CTNND2: variants seen among roughly 807,000 people sequenced by gnomAD.
CTNND2 encodes the protein catenin delta 2.
In CTNND2, 22 loss-of-function variants were observed where a neutral mutation model predicts 144.4. The ratio of observed to expected loss-of-function variants is 0.15; its 90% confidence interval spans 0.11 to 0.22. The LOEUF (loss-of-function observed/expected upper bound fraction) is 0.22, where lower values mean the gene tolerates loss of function less well. Among genes scored for constraint, CTNND2 ranks in the 10% least tolerant of loss-of-function variants. CTNND2 has a pLI of 1.00. For missense variants in CTNND2, 1,353 were observed against 1,618.8 expected (o/e 0.84, Z 2.82); for synonymous variants, 751 against 695.6 (o/e 1.08, Z -1.25).
At chr5:11,534,166 G>A (rs1774006268) in intron 3 of CTNND2, among the ~76,000 whole-genome samples, 1 of 151,992 alleles carries the variant, frequency 6.6e-6, no homozygotes, top group Non-Finnish European at 1.5e-5. Flanking sequence ...TAATTTGATG[G>A]GTAGAAACAC....
intron 15 of CTNND2, among the ~76,000 whole-genome samples, chr5:11,091,321 G>A (rs1750748005): frequency 6.6e-6 from 1 of 152,120 alleles, no homozygotes. Flanking sequence ...CTGCATTTCA[G>A]ACTCTAGAGG....
chr5:11,186,769 C>A (rs1378666893), intron 11 of CTNND2, among the ~76,000 whole-genome samples: 1 of 152,168 alleles, frequency 6.6e-6, no homozygotes, highest in Non-Finnish European at 1.5e-5. Flanking sequence ...ATTGTTTTAT[C>A]AAGTGCCTCC....
intron 7 of CTNND2, among the ~76,000 whole-genome samples, chr5:11,368,432 C>G (rs2149777702): frequency 6.6e-6 from 1 of 152,200 alleles, no homozygotes; most frequent in South Asian, 2.1e-4. Flanking sequence ...GGGTTCAGTC[C>G]TATGGCAGGG....
intron 10 of CTNND2, among the ~76,000 whole-genome samples, chr5:11,232,121 G>C (rs1485354176): frequency 6.6e-6 from 1 of 152,254 alleles, no homozygotes; most frequent in Non-Finnish European, 1.5e-5. Flanking sequence ...GAAACACCCT[G>C]AATGTCCAGG....
chr5:11,003,233 G>A (rs1220550783), intron 18 of CTNND2, among the ~76,000 whole-genome samples: 3 of 152,072 alleles, frequency 2.0e-5, no homozygotes, highest in African/African-American at 7.2e-5. Flanking sequence ...GCAAAAATCT[G>A]TTGGGCTTTT....
At chr5:10,997,987 C>T (rs1251755667) in intron 18 of CTNND2, among the ~76,000 whole-genome samples, 1 of 152,130 alleles carries the variant, frequency 6.6e-6, no homozygotes, top group African/African-American at 2.4e-5. Context: ...ATATGTGTTG[C>T]TCAGCAACTC....
chr5:11,441,082 A>AT (rs1283665587), intron 3 of CTNND2, among the ~76,000 whole-genome samples: 4 of 152,136 alleles, frequency 2.6e-5, no homozygotes, highest in Admixed American at 1.3e-4. Context: ...CATTACATTG[A>AT]TTTTTTTTAA....
At chr5:11,873,335 T>C (rs1018058574) in intron 1 of CTNND2, among the ~76,000 whole-genome samples, 1 of 152,208 alleles carries the variant, frequency 6.6e-6, no homozygotes, top group Admixed American at 6.5e-5. Context: ...ATGAAACAGT[T>C]ATCCCAAAAC....
chr5:11,124,924 C>T (rs186086304), intron 12 of CTNND2, among the ~76,000 whole-genome samples: 1 of 152,190 alleles, frequency 6.6e-6, no homozygotes, highest in African/African-American at 2.4e-5. Context: ...GTTTGAGCAG[C>T]CCCTGCTTGG....
chr5:11,416,779 A>T (rs1245181410), intron 3 of CTNND2, among the ~76,000 whole-genome samples: 1 of 152,212 alleles, frequency 6.6e-6, no homozygotes, highest in South Asian at 2.1e-4. Flanking sequence ...TGCATGTTCA[A>T]CTTCAGGAAA....
intron 3 of CTNND2, among the ~76,000 whole-genome samples, chr5:11,505,927 A>T (rs1770985574): frequency 6.6e-6 from 1 of 152,062 alleles, no homozygotes; most frequent in Admixed American, 6.6e-5. Context: ...CTTCGATGGC[A>T]TCCATTCATT....
chr5:11,180,968 C>T (rs959944186), intron 11 of CTNND2, among the ~76,000 whole-genome samples: 3 of 152,096 alleles, frequency 2.0e-5, no homozygotes, highest in Non-Finnish European at 2.9e-5. Flanking sequence ...TATGTGGGCC[C>T]GGAGGTTCTG....
In CTNND2 at chr5:11,813,461, G is replaced by A. The variant is rs1401004426; in HGVS notation, c.38-81189C>T. On this transcript the variant is annotated intron_variant, in intron 1 of 21. Coordinates refer to ENST00000304623, the MANE Select transcript of CTNND2 (RefSeq NM_001332.4). ...CTGTTCATTTTTTTTCATTTCGGAA[G>A]CCTGAATAACAACTTCCCCCAACAC... Among the ~76,000 whole-genome samples, 4 of 152,180 alleles carry A rather than the reference G, an allele frequency of 2.6e-5. No individual in the cohort carries two copies. In the East Asian group the frequency reaches 7.7e-4, roughly 29 times the overall value.
intron 3 of CTNND2, among the ~76,000 whole-genome samples, chr5:11,497,299 T>C (rs912114925): frequency 6.6e-6 from 1 of 151,986 alleles, no homozygotes; most frequent in Non-Finnish European, 1.5e-5. Flanking sequence ...GAGTCAATAA[T>C]ATTTGAGGTC....
At chr5:11,758,689 A>G (rs1265850115) in intron 1 of CTNND2, among the ~76,000 whole-genome samples, 2 of 152,222 alleles carry the variant, frequency 1.3e-5, no homozygotes, top group Non-Finnish European at 2.9e-5. Context: ...ATATGAGTAA[A>G]CAGGTTTAAA....
chr5:11,700,882 T>C (rs1200719467), intron 2 of CTNND2, among the ~76,000 whole-genome samples: 1 of 152,206 alleles, frequency 6.6e-6, no homozygotes, highest in East Asian at 1.9e-4. Flanking sequence ...ATTTGGGCTA[T>C]AATATAAATC....
At chr5:11,055,952 T>C (rs1392891408) in intron 16 of CTNND2, among the ~76,000 whole-genome samples, 1 of 152,204 alleles carries the variant, frequency 6.6e-6, no homozygotes, top group Non-Finnish European at 1.5e-5. Context: ...GCTGATTTCC[T>C]GGCTGCAGAA....
At chr5:11,511,541 C>T (rs1771648269) in intron 3 of CTNND2, among the ~76,000 whole-genome samples, 1 of 152,116 alleles carries the variant, frequency 6.6e-6, no homozygotes, top group Non-Finnish European at 1.5e-5. Flanking sequence ...GGTGATGTGT[C>T]CATTTGGGGA....
At position 10,988,322 on chromosome 5, in the gene CTNND2, C is replaced by CT; in HGVS notation, c.3212-81dup. 1 of 1,550,674 alleles carries CT rather than the reference C, an allele frequency of 6.4e-7. No homozygotes were observed. Among genetic ancestry groups the CT allele is most frequent in the Non-Finnish European group, 8.8e-7 (1 of 1,130,092 alleles). ...GCCTTCCACACAGTCAGGGTCCTCA[C>CT]TATGCATGGTCCCGCATCTCAATGC... On this transcript the variant is annotated intron_variant, in intron 19 of 21. Transcript: ENST00000304623. The surrounding 1 kb of genome is among the most constrained non-coding windows in gnomAD (Gnocchi z 5.9).
Sources: gnomAD v4.1 joint callset for allele counts (sites outside exome capture counted in the v4.1 genomes callset) on GRCh38, gnomAD v4.1.1 for gene constraint, Gnocchi (gnomAD v3.1) non-coding constraint, MANE v1.5 for transcripts, NCBI Gene and HGNC (gene_info 2026-07-23, HGNC 2026-07-21) for gene names.